Variants in WDR91 observed in about 807,000 individuals in gnomAD.
WDR91 encodes the protein WD repeat-containing protein 91.
WDR91 carries 52 observed loss-of-function variants against 88.4 expected under a neutral mutation model. The observed-to-expected ratio is 0.59, with a 90% CI of 0.47 to 0.74. The LOEUF is 0.74. Among genes scored for constraint, WDR91 ranks in the 30% least tolerant of loss-of-function variants. The pLI is 0.00. For missense variants in WDR91, 824 were observed against 954.5 expected, an observed-to-expected ratio of 0.86 and a Z score of 1.80; for synonymous variants, 362 against 389.5, an observed-to-expected ratio of 0.93 and a Z score of 0.83.
intron 1 of WDR91, 76 bp from the exon 2 acceptor site, chr7:135,209,831 C>G: frequency 7.5e-7 from 1 of 1,325,110 alleles, no homozygotes; most frequent in Non-Finnish European, 1.0e-6. Flanking sequence ...AAGCTTTTTC[C>G]TCTTGTCATG....
rs1354610118 is a variant in WDR91 at position 135,196,126 on chromosome 7, G to T, written c.1244+18C>A. The T allele has an allele frequency of 1.4e-6, 2 of 1,476,474 alleles. No individual in the cohort carries two copies. The highest frequency in any genetic ancestry group is 1.4e-5 in the South Asian group (1 of 71,422). 91.5% of individuals were successfully genotyped at this position (1,476,474 alleles called of 1,614,324 possible). On this transcript the variant is annotated intron_variant, in intron 8 of 14. Coordinates refer to ENST00000354475, the MANE Select transcript of WDR91 (RefSeq NM_014149.4). This position sits in a 1 kb window ranked among gnomAD's most constrained non-coding sequence, Gnocchi z 4.2. The stretch of plus-strand genomic sequence containing the variant: ...ATCTGAGCTTCCCAGGGTTTCCTTG[G>T]CCCCAGGCCCAACCCACCTGCAGTG...
In WDR91 at chr7:135,207,200, C is replaced by G. The variant is rs776874315; in HGVS notation, c.514G>C (p.Val172Leu). ...GCATCAAAGTTCAGGATCACAGGGACTGGTGCACGAAGTTAAAGAATAAGC... is the reference window on the plus strand; with the variant it reads ...GCATCAAAGTTCAGGATCACAGGGAGTGGTGCACGAAGTTAAAGAATAAGC... ...FLSVLFQCMP[V>L]PVILNFDAEC... Residue 172 changes from valine to leucine, a missense_variant and splice_region_variant, in exon 4 of 15, where the codon GTC (valine) becomes CTC (leucine). Physicochemically the swap from Val to Leu is conservative, Grantham distance 32 (BLOSUM62 1). Coordinates refer to ENST00000354475, the MANE Select transcript of WDR91 (RefSeq NM_014149.4). 7 of 1,604,470 alleles carry G rather than the reference C, an allele frequency of 4.4e-6. No individual in the cohort carries two copies. Among genetic ancestry groups the G allele is most frequent in the Non-Finnish European group, 6.0e-6 (7 of 1,173,246 alleles).
At chr7:135,206,248 G>A (rs1022303933) in intron 4 of WDR91, among the ~76,000 whole-genome samples, 190 bp from the exon 5 acceptor site, 1 of 152,132 alleles carries the variant, frequency 6.6e-6, no homozygotes, top group Non-Finnish European at 1.5e-5. Flanking sequence ...ACAATGAGGT[G>A]AGAAAACCAA....
intron 6 of WDR91, chr7:135,200,435 T>G (rs1325915871): frequency 2.0e-5 from 3 of 152,180 alleles, no homozygotes; most frequent in Non-Finnish European, 4.4e-5. Flanking sequence ...CTCTAGACAA[T>G]GACACTTGCA....
chr7:135,191,327 G>C (rs1012844337), intron 11 of WDR91, among the ~76,000 whole-genome samples: 1 of 152,170 alleles, frequency 6.6e-6, no homozygotes, highest in Non-Finnish European at 1.5e-5. Flanking sequence ...TGTAAGGCAG[G>C]CCGGGTGCAG....
In WDR91 at chr7:135,189,430, T is replaced by C. The variant is rs1332653928; in HGVS notation, c.1682A>G (p.Glu561Gly). The C allele has an allele frequency of 6.2e-7, 1 of 1,613,826 alleles. No individual in the cohort carries two copies. The highest frequency in any genetic ancestry group is 2.2e-5 in the East Asian group (1 of 44,890). The part of the protein sequence containing the change: ...KQQLQFSLDP[E>G]PIAINCTAFN... ...GGCTGTACAGTTGATAGCAATGGGT[T>C]CTGGATCCAGGGAGAACTGGAGCTA... The change falls in exon 12 of 15, where the codon GAA (glutamate) becomes GGA (glycine). Residue 561 changes from glutamate to glycine, a missense_variant. By Grantham distance (98) the Glu-to-Gly change is moderately conservative (BLOSUM62 -2). Transcript: ENST00000354475.
intron 12 of WDR91, among the ~76,000 whole-genome samples, chr7:135,189,119 C>A (rs1831061348): frequency 6.6e-6 from 1 of 152,206 alleles, no homozygotes; most frequent in Non-Finnish European, 1.5e-5. Flanking sequence ...ACTCAAGGAC[C>A]GCTGAGCTCC....
chr7:135,204,566 G>A (rs1227013291), intron 5 of WDR91, 133 bp from the exon 6 acceptor site: 8 of 934,562 alleles, frequency 8.6e-6, no homozygotes, highest in Admixed American at 2.9e-5. Context: ...GGGCTTTAAG[G>A]TGGTATTATC....
chr7:135,186,028 CT>C lies in WDR91; in HGVS notation c.*122del. ...GAAGCACCTGAGCCTCCTTGCCAGT[CT>C]TTCCCTGCAGAGTCACTGCACTGGC... On this transcript the variant is annotated 3_prime_UTR_variant, in exon 15 of 15. Coordinates refer to ENST00000354475, the MANE Select transcript of WDR91 (RefSeq NM_014149.4). 8.4e-7 allele frequency: 1 copy of C among 1,197,030 alleles called. No individual in the cohort carries two copies. The highest frequency in any genetic ancestry group is 1.8e-5 in the South Asian group (1 of 56,392). 74.2% of individuals were successfully genotyped at this position (1,197,030 alleles called of 1,614,324 possible).
intron 12 of WDR91, among the ~76,000 whole-genome samples, 155 bp from the exon 13 acceptor site, chr7:135,188,700 C>A (rs1331680456): frequency 3.3e-5 from 5 of 152,206 alleles, no homozygotes; most frequent in Non-Finnish European, 7.3e-5. Flanking sequence ...CATAAAGCTG[C>A]CCCTGCCCAA....
chr7:135,211,250 G>A, intron 1 of WDR91, 130 bp downstream of exon 1: 2 of 1,386,840 alleles, frequency 1.4e-6, no homozygotes, highest in Non-Finnish European at 1.9e-6. Flanking sequence ...GGGGTCGGAC[G>A]CGCTGAGGTC....
intron 3 of WDR91, among the ~76,000 whole-genome samples, chr7:135,207,853 A>G (rs1376102692): frequency 6.6e-6 from 1 of 152,252 alleles, no homozygotes; most frequent in East Asian, 1.9e-4. Context: ...TGTGTAAGCT[A>G]GTTTGAGAAG....
chr7:135,207,305 C>T (rs1585438768), intron 3 of WDR91, 103 bp from the exon 4 acceptor site: 2 of 978,996 alleles, frequency 2.0e-6, no homozygotes, highest in East Asian at 5.8e-5. Flanking sequence ...ACACAGAGAA[C>T]AGAGTATAGG....
intron 11 of WDR91, among the ~76,000 whole-genome samples, chr7:135,192,945 C>T (rs1271836142): frequency 6.6e-6 from 1 of 152,134 alleles, no homozygotes; most frequent in East Asian, 1.9e-4. Context: ...AATTCTCATA[C>T]AATTTTAAGG....
At position 135,187,113 on chromosome 7, in the gene WDR91, G is replaced by A. The variant is rs1461659184; in HGVS notation, c.1938C>T (p.Pro646=). 6.8e-6 allele frequency: 11 copies of A among 1,614,146 alleles called. No homozygotes were observed. The highest frequency in any genetic ancestry group is 2.7e-5 in the African/African-American group (2 of 74,956). The change falls in exon 14 of 15, where the codon CCC becomes CCT. Residue 646 remains proline (P), a synonymous_variant. Transcript: ENST00000354475. The part of the protein sequence containing the change: ...SGLKVSEYSL[P]SDATGPFVLS... ...GCACAAAGGGGCCCGTGGCATCTGAGGGGAGGCTGTACTCGGATACCTTGA... is the reference window on the plus strand; with the variant it reads ...GCACAAAGGGGCCCGTGGCATCTGAAGGGAGGCTGTACTCGGATACCTTGA...
chr7:135,199,272 T>G (rs1414029600), intron 6 of WDR91: 3 of 152,252 alleles, frequency 2.0e-5, no homozygotes, highest in Admixed American at 6.5e-5. Flanking sequence ...ATGACTAACC[T>G]GCAGGGTATT....
intron 3 of WDR91, 39 bp downstream of exon 3, chr7:135,208,751 CT>C: frequency 3.9e-6 from 6 of 1,527,780 alleles, no homozygotes; most frequent in Non-Finnish European, 5.3e-6. Context: ...GTCTGGGTGC[CT>C]CAGGCTGGGC....
intron 14 of WDR91, 26 bp downstream of exon 14, chr7:135,186,925 CCTGCCCACCACAATACCACTA>C: frequency 6.2e-7 from 1 of 1,608,926 alleles, no homozygotes; most frequent in Non-Finnish European, 8.5e-7. Flanking sequence ...GGGAGGAACC[CCTGCCCACCACAATACCACTA>C]CCTCCCACCC....
chr7:135,186,978 G>A lies in WDR91; in HGVS notation c.2073C>T (p.Ile691=). The A allele has an allele frequency of 6.2e-7, 1 of 1,613,728 alleles. No homozygotes were observed. Among genetic ancestry groups the A allele is most frequent in the East Asian group, 2.2e-5 (1 of 44,888 alleles). The part of the protein sequence containing the change: ...MLTCSATGGV[I]YKLGGDEKVL... ...ACCCCCAACCATCAGTTACCTTGTA[G>A]ATGACGCCGCCTGTGGCAGAACATG... is the stretch of plus-strand genomic sequence containing the variant. Residue 691 remains isoleucine (I), a synonymous_variant, in exon 14 of 15, where the codon ATC becomes ATT. Coordinates refer to ENST00000354475, the MANE Select transcript of WDR91 (RefSeq NM_014149.4).
Sources: gnomAD v4.1 joint callset for allele counts (sites outside exome capture counted in the v4.1 genomes callset) on GRCh38, gnomAD v4.1.1 for gene constraint, Gnocchi (gnomAD v3.1) non-coding constraint, MANE v1.5 for transcripts, NCBI Gene and HGNC (gene_info 2026-07-23, HGNC 2026-07-21) for gene names.